Variants in TPM4 observed in about 807,000 individuals in gnomAD.
TPM4 encodes the protein tropomyosin alpha-4 chain.
In TPM4, 17 loss-of-function variants were observed where a neutral mutation model predicts 35.8. That is an observed-to-expected ratio of 0.47 (90% CI 0.32 to 0.71). TPM4 has a LOEUF of 0.71. TPM4 is among the 30% of genes least tolerant of loss of function. TPM4 has a pLI of 0.03. For synonymous variants in TPM4, 120 were observed against 122.9 expected (o/e 0.98, Z 0.15); for missense variants, 240 against 320.9 (o/e 0.75, Z 1.93).
intron 1 of TPM4, among the ~76,000 whole-genome samples, chr19:16,079,101 A>G (rs2090449715): frequency 1.3e-5 from 2 of 152,174 alleles, no homozygotes; most frequent in South Asian, 2.1e-4. Context: ...AAATACATAT[A>G]TATGTATGCA....
At chr19:16,095,325 C>G in intron 7 of TPM4, 1 of 1,039,746 alleles carries the variant, frequency 9.6e-7, no homozygotes, top group Non-Finnish European at 1.2e-6. Flanking sequence ...ACCACGCTCT[C>G]AACGACATGA....
At chr19:16,078,668 T>C (rs1355683923) in intron 1 of TPM4, among the ~76,000 whole-genome samples, 2 of 152,074 alleles carry the variant, frequency 1.3e-5, no homozygotes, top group Non-Finnish European at 1.5e-5. Flanking sequence ...GGAGCCAAGA[T>C]TTAGGAGCAA....
Position 16,076,813 on chromosome 19 carries a change from C to T in TPM4, c.132+116C>T, listed in dbSNP as rs115683511. On this transcript the variant is annotated intron_variant, in intron 1 of 7. Transcript: ENST00000643579. ...GCAGTCCTCGGGCCGCCTTTTTACGCCCTCGGACGCCGATCGCCGACCCAC... is the reference window on the plus strand; with the variant it reads ...GCAGTCCTCGGGCCGCCTTTTTACGTCCTCGGACGCCGATCGCCGACCCAC... 3.7e-3 allele frequency: 4,651 copies of T among 1,261,162 alleles called. 175 individuals carry two copies. The African/African-American group carries it at 0.067, about 18-fold the overall frequency. 78.1% of individuals were successfully genotyped at this position (1,261,162 alleles called of 1,614,324 possible). A position where few individuals can be genotyped will look rare whatever the true frequency, so the allele number is the denominator to read the frequency against.
chr19:16,072,972 G>A (rs900304854), upstream of TPM4, among the ~76,000 whole-genome samples: 3 of 152,044 alleles, frequency 2.0e-5, no homozygotes, highest in Non-Finnish European at 4.4e-5. Context: ...GCCCCCTGTC[G>A]GCCTTATCCC....
At chr19:16,074,802 C>G (rs1472487561), upstream of TPM4, 2 of 152,288 alleles carry the variant, frequency 1.3e-5, no homozygotes, top group African/African-American at 2.4e-5. Flanking sequence ...AGGCAAAAGT[C>G]AGATCCAAGC....
intron 1 of TPM4, chr19:16,081,251 T>C: frequency 2.5e-6 from 1 of 395,072 alleles, no homozygotes; most frequent in Non-Finnish European, 4.5e-6. Flanking sequence ...TGTGTGCCTT[T>C]TTCAGAGAAG....
At chr19:16,075,217 T>TG (rs1323130858), upstream of TPM4, 4 of 151,856 alleles carry the variant, frequency 2.6e-5, no homozygotes, top group Non-Finnish European at 5.9e-5. Context: ...ACCGGTGTGG[T>TG]GGGGGGTGAC....
At chr19:16,071,434 C>T (rs2090356022) in intron 2 of TPM4, among the ~76,000 whole-genome samples, 1 of 152,214 alleles carries the variant, frequency 6.6e-6, no homozygotes, top group Non-Finnish European at 1.5e-5. Flanking sequence ...ATCCTTCCAC[C>T]TCAACCTCCC....
intron 7 of TPM4, 148 bp from the exon 8 acceptor site, chr19:16,101,116 A>AGCCAAGATCGCGCCACTGC (rs944749752): frequency 1.8e-6 from 1 of 542,904 alleles, no homozygotes; most frequent in Non-Finnish European, 3.2e-6. Flanking sequence ...GGTTGCAGTG[A>AGCCAAGATCGCGCCACTGC]GCCAAGATCG....
rs1165979085 is a variant in TPM4 at position 16,093,665 on chromosome 19, C to T, written c.595-19C>T. 6.2e-7 allele frequency: 1 copy of T among 1,614,090 alleles called. No homozygotes were observed. The highest frequency in any genetic ancestry group is 1.3e-5 in the African/African-American group (1 of 74,938). ...GCTGGTCTTGAAGCCATGATAGTAA[C>T]TCCTTTCTTCTTATCTAGGCTGAGA... is the stretch of plus-strand genomic sequence containing the variant. On this transcript the variant is annotated intron_variant, in intron 6 of 7. Coordinates refer to ENST00000643579, the MANE Select transcript of TPM4 (RefSeq NM_003290.3).
upstream of TPM4, chr19:16,074,435 G>C (rs144558510): frequency 1.7e-4 from 26 of 152,324 alleles, no homozygotes; most frequent in African/African-American, 6.0e-4. Flanking sequence ...CATTGGAAGA[G>C]GATAACCAAG....
upstream of TPM4, among the ~76,000 whole-genome samples, chr19:16,073,028 CAAAACCCCAAACCAAACAAA>C (rs1396236259): frequency 5.3e-5 from 8 of 152,146 alleles, no homozygotes; most frequent in South Asian, 4.1e-4. Flanking sequence ...AAAAAGTAGT[CAAAACCCCAAACCAAACAAA>C]AAAACCCCAA....
At chr19:16,096,241 T>C (rs2090694513) in intron 7 of TPM4, among the ~76,000 whole-genome samples, 1 of 152,142 alleles carries the variant, frequency 6.6e-6, no homozygotes, top group Non-Finnish European at 1.5e-5. Flanking sequence ...TTTTGTACTT[T>C]TTGTAGAAGC....
At chr19:16,086,391 A>G (rs761731793) in intron 2 of TPM4, 32 bp from the exon 3 acceptor site, 2 of 1,592,406 alleles carry the variant, frequency 1.3e-6, no homozygotes, top group South Asian at 1.1e-5. Context: ...GGTGTGAGTG[A>G]ACGGCCGTCC....
Position 16,081,398 on chromosome 19 carries a change from T to A in TPM4, c.133-515T>A, listed in dbSNP as rs541938881. ...ACCCATCTTGTACTGGGACACTCGC[T>A]TTTTTTTTTTTTTTTTGAGACGGAG... On this transcript the variant is annotated intron_variant, in intron 1 of 7. Transcript: ENST00000643579. The A allele has an allele frequency of 7.8e-5, 5 of 64,206 alleles. No homozygotes were observed. The Admixed American group carries it at 9.3e-4, about 12-fold the overall frequency. The allele number at this position is 64,206 out of a possible 1,614,324, so 4.0% of individuals were successfully genotyped here.
intron 7 of TPM4, 57 bp downstream of exon 7, chr19:16,093,810 C>T: frequency 6.3e-7 from 1 of 1,591,654 alleles, no homozygotes; most frequent in Non-Finnish European, 8.6e-7. Context: ...TGGGACACAT[C>T]CACGGACAGT....
upstream of TPM4, among the ~76,000 whole-genome samples, chr19:16,072,072 G>A (rs78555957): frequency 3.9e-5 from 6 of 152,296 alleles, no homozygotes; most frequent in East Asian, 3.9e-4. Context: ...CGCCCGCCTC[G>A]GCCTCCCGTA....
chr19:16,074,846 A>G (rs912518036), upstream of TPM4: 3 of 152,302 alleles, frequency 2.0e-5, no homozygotes, highest in Admixed American at 1.3e-4. Context: ...AATCCCAGCA[A>G]TTTGGGAGGC....
At chr19:16,075,905 G>A, upstream of TPM4, 4 of 1,236,836 alleles carry the variant, frequency 3.2e-6, no homozygotes, top group South Asian at 6.5e-5. Context: ...GCATGCTATC[G>A]CAACCCCTGT....
Sources: gnomAD v4.1 joint callset for allele counts (sites outside exome capture counted in the v4.1 genomes callset) on GRCh38, gnomAD v4.1.1 for gene constraint, MANE v1.5 for transcripts, NCBI Gene and HGNC (gene_info 2026-07-23, HGNC 2026-07-21) for gene names.